Variants in MGAT4C observed in about 807,000 individuals in gnomAD.
MGAT4C encodes the protein alpha-1,3-mannosyl-glycoprotein 4-beta-N-acetylglucosaminyltransferase C.
A neutral mutation model predicts 40.1 loss-of-function variants in MGAT4C; 19 were observed. The ratio of observed to expected loss-of-function variants is 0.47; its 90% CI spans 0.33 to 0.70. The LOEUF (loss-of-function observed/expected upper bound fraction) is 0.70. Among genes scored for constraint, MGAT4C ranks in the 30% least tolerant of loss-of-function variants. The pLI is 0.02. For synonymous variants in MGAT4C, 181 were observed against 187.1 expected (o/e 0.97, Z 0.27); for missense variants, 491 against 563.2 (o/e 0.87, Z 1.30).
At chr12:86,473,789 A>G (rs1230487502) in intron 2 of MGAT4C, among the ~76,000 whole-genome samples, 1 of 152,208 alleles carries the variant, frequency 6.6e-6, no homozygotes, top group African/African-American at 2.4e-5. Flanking sequence ...GCTTTAATGA[A>G]TAAAGTCCAT....
Position 86,768,816 on chromosome 12 carries a change from T to C in MGAT4C, c.-261-41575A>G, listed in dbSNP as rs542685718. On this transcript the variant is annotated intron_variant, in intron 1 of 7. Transcript: ENST00000548651. ...GTGCTGGGAAAACTGGCTAGCCATA[T>C]GTAGAAAGCTGAAACTGGATCCCTT... 3.4e-3 allele frequency among the ~76,000 whole-genome samples: 517 copies of C among 152,152 alleles called. 7 individuals are homozygous for C. Among genetic ancestry groups the C allele is most frequent in the African/African-American group, 0.012 (500 of 41,564 alleles).
intron 3 of MGAT4C, among the ~76,000 whole-genome samples, chr12:86,374,949 A>C (rs1256022442): frequency 6.6e-6 from 1 of 152,152 alleles, no homozygotes; most frequent in African/African-American, 2.4e-5. Flanking sequence ...CCAGGACATG[A>C]TAACTGAGGA....
At chr12:86,231,417 C>A (rs1014853325) in intron 1 of MGAT4C, among the ~76,000 whole-genome samples, 2 of 152,160 alleles carry the variant, frequency 1.3e-5, no homozygotes, top group Non-Finnish European at 2.9e-5. Flanking sequence ...CCTTTCTAAT[C>A]ATCTGCCTAT....
chr12:86,655,413 T>C (rs1963820698), intron 2 of MGAT4C, among the ~76,000 whole-genome samples: 3 of 152,122 alleles, frequency 2.0e-5, no homozygotes, highest in Non-Finnish European at 4.4e-5. Context: ...TACAAGTATT[T>C]TGATATTTCT....
At chr12:86,341,656 A>C (rs61050520) in intron 3 of MGAT4C, among the ~76,000 whole-genome samples, 32,437 of 152,108 alleles carry the variant, frequency 0.21, 4,582 homozygotes, top group African/African-American at 0.39. Flanking sequence ...GCTGTTCAGG[A>C]GCCTTTGCCA....
At chr12:85,987,754 A>G (rs1436280466) in intron 3 of MGAT4C, among the ~76,000 whole-genome samples, 2 of 152,186 alleles carry the variant, frequency 1.3e-5, no homozygotes, top group African/African-American at 4.8e-5. Context: ...TGCACATTCA[A>G]TGGTCCTTTG....
intron 2 of MGAT4C, among the ~76,000 whole-genome samples, chr12:86,449,863 C>A (rs1484349418): frequency 6.6e-6 from 1 of 151,998 alleles, no homozygotes; most frequent in African/African-American, 2.4e-5. Flanking sequence ...TATTTTTGTT[C>A]ATTAATAATT....
intron 2 of MGAT4C, among the ~76,000 whole-genome samples, chr12:86,710,761 C>A (rs1228340079): frequency 6.6e-6 from 1 of 152,110 alleles, no homozygotes; most frequent in Non-Finnish European, 1.5e-5. Flanking sequence ...GCACAATTCG[C>A]AATTGCAAAT....
At chr12:86,005,880 T>C (rs896934468) in intron 2 of MGAT4C, among the ~76,000 whole-genome samples, 3 of 152,178 alleles carry the variant, frequency 2.0e-5, no homozygotes, top group Admixed American at 6.5e-5. Context: ...TTGGTTATCT[T>C]TGATAAAAAA....
intron 1 of MGAT4C, chr12:86,068,546 T>C (rs1894778325): frequency 6.7e-6 from 1 of 148,318 alleles, no homozygotes; most frequent in Non-Finnish European, 1.5e-5. Flanking sequence ...AATATGAATA[T>C]AAATATATAT....
chr12:86,693,774 A>T (rs956828025), intron 2 of MGAT4C, among the ~76,000 whole-genome samples: 28 of 152,326 alleles, frequency 1.8e-4, no homozygotes, highest in African/African-American at 6.7e-4. Context: ...GGATTATTTC[A>T]ATAATAAAAT....
At chr12:86,687,716 G>A (rs1950097426) in intron 2 of MGAT4C, among the ~76,000 whole-genome samples, 1 of 152,096 alleles carries the variant, frequency 6.6e-6, no homozygotes, top group Admixed American at 6.6e-5. Flanking sequence ...TATGATTTCT[G>A]TTCTTTTGCA....
At chr12:86,034,926 T>C (rs1891092386) in intron 2 of MGAT4C, among the ~76,000 whole-genome samples, 2 of 150,192 alleles carry the variant, frequency 1.3e-5, no homozygotes, top group South Asian at 4.2e-4. Context: ...TTTTTATGGC[T>C]GCATAGTATT....
chr12:86,374,862 G>A (rs1381395104), intron 3 of MGAT4C, among the ~76,000 whole-genome samples: 1 of 152,084 alleles, frequency 6.6e-6, no homozygotes, highest in Admixed American at 6.5e-5. Flanking sequence ...AACCAGTAAG[G>A]CCTGCTTTGC....
intron 2 of MGAT4C, among the ~76,000 whole-genome samples, chr12:86,597,123 T>C (rs1188947917): frequency 1.3e-5 from 2 of 152,228 alleles, no homozygotes; most frequent in African/African-American, 2.4e-5. Flanking sequence ...AATTCTAATC[T>C]ATACAGTGGA....
intron 2 of MGAT4C, among the ~76,000 whole-genome samples, chr12:86,484,170 T>TAGACAG (rs1957980833): frequency 6.6e-6 from 1 of 151,620 alleles, no homozygotes; most frequent in South Asian, 2.1e-4. Context: ...GCCCAGAGAG[T>TAGACAG]AGACAGAGAC....
upstream of MGAT4C, among the ~76,000 whole-genome samples, chr12:86,261,295 A>G (rs1419055803): frequency 6.6e-6 from 1 of 152,120 alleles, no homozygotes; most frequent in Non-Finnish European, 1.5e-5. Flanking sequence ...TGAAGACCTT[A>G]TATAATGCCA....
chr12:86,503,960 A>G (rs1958424364), intron 2 of MGAT4C, among the ~76,000 whole-genome samples: 1 of 151,084 alleles, frequency 6.6e-6, no homozygotes, highest in African/African-American at 2.4e-5. Context: ...CTTCCTACAA[A>G]ATAAGAAAAA....
At chr12:86,226,546 C>A (rs979635514) in intron 1 of MGAT4C, among the ~76,000 whole-genome samples, 37 of 151,822 alleles carry the variant, frequency 2.4e-4, no homozygotes, top group African/African-American at 8.7e-4. Flanking sequence ...TACTTTTGTT[C>A]TTTGTTTTAC....
Sources: allele counts gnomAD v4.1 joint callset (sites outside exome capture counted in the v4.1 genomes callset), GRCh38; gene constraint gnomAD v4.1.1; transcripts MANE v1.5; gene names NCBI Gene and HGNC (gene_info 2026-07-23, HGNC 2026-07-21).